The following ZMAT4 variants were observed in gnomAD, a reference collection of about 807,000 sequenced individuals.
ZMAT4 encodes the protein zinc finger matrin-type protein 4.
ZMAT4 carries 17 observed loss-of-function variants against 28.7 expected under a neutral mutation model. That is an observed-to-expected ratio of 0.59 (90% CI 0.41 to 0.89). The LOEUF is 0.89. Ranked by LOEUF, ZMAT4 falls within the 40% of genes least tolerant of loss-of-function variation. The pLI, the probability that ZMAT4 is intolerant of heterozygous loss-of-function variation, is 0.00. For missense variants in ZMAT4, 240 were observed against 283.8 expected (o/e 0.85, Z 1.11); for synonymous variants, 117 against 109.2 (o/e 1.07, Z -0.44).
At chr8:40,607,293 T>G (rs1449578252) in intron 5 of ZMAT4, among the ~76,000 whole-genome samples, 1 of 151,730 alleles carries the variant, frequency 6.6e-6, no homozygotes, top group African/African-American at 2.4e-5. Context: ...CCTGGCTAAT[T>G]TTTTGTATTT....
chr8:40,877,467 G>A (rs986443456), intron 1 of ZMAT4, among the ~76,000 whole-genome samples: 38 of 152,154 alleles, frequency 2.5e-4, no homozygotes, highest in African/African-American at 4.8e-5. Flanking sequence ...GTGCCCTCTT[G>A]CTGAACTCTG....
At chr8:40,602,447 C>G (rs983229925) in intron 5 of ZMAT4, among the ~76,000 whole-genome samples, 11 of 152,188 alleles carry the variant, frequency 7.2e-5, no homozygotes, top group African/African-American at 2.7e-4. Context: ...AATCTCCACA[C>G]TGTTGCTCCA....
At chr8:40,743,068 A>G (rs1351922082) in intron 3 of ZMAT4, among the ~76,000 whole-genome samples, 1 of 152,124 alleles carries the variant, frequency 6.6e-6, no homozygotes, top group African/African-American at 2.4e-5. Flanking sequence ...AAATACAAAA[A>G]TTATCCAGGC....
chr8:40,808,721 AAAAAG>A (rs2150593957), intron 2 of ZMAT4: 3 of 264,078 alleles, frequency 1.1e-5, no homozygotes, highest in South Asian at 1.0e-4. Flanking sequence ...GGAAGAAAAA[AAAAAG>A]AAATGTGAAG....
In ZMAT4 at chr8:40,664,382, T is replaced by G. The variant is rs80072509; in HGVS notation, c.577+10322A>C. Among the ~76,000 whole-genome samples the G allele has an allele frequency of 1.1e-4, 17 of 152,346 alleles. No homozygotes were observed. The East Asian group carries it at 3.3e-3, about 29-fold the overall frequency. Reference sequence around the variant, plus strand: ...TACTTAGCTTTTTAAATGTACACACTGCTCTCTTGTTGGTGCATAGCTATT... The same window carrying G: ...TACTTAGCTTTTTAAATGTACACACGGCTCTCTTGTTGGTGCATAGCTATT... On this transcript the variant is annotated intron_variant, in intron 5 of 6. Transcript: ENST00000297737.
At position 40,678,657 on chromosome 8, in the gene ZMAT4, C is replaced by T. The variant is rs562195115; in HGVS notation, c.350-3726G>A. On this transcript the variant is annotated intron_variant, in intron 4 of 6. Transcript: ENST00000297737. ...CCTTGTAACCTTAGCTGTGTGAATG[C>T]GCATCTGTGTGTATGTGTAAGGGAA... is the stretch of plus-strand genomic sequence containing the variant. Among the ~76,000 whole-genome samples, 12 of 152,284 alleles carry T rather than the reference C, an allele frequency of 7.9e-5. No individual in the cohort carries two copies. The East Asian group carries it at 1.9e-3, about 24-fold the overall frequency.
At chr8:40,547,761 T>G (rs1426368545) in intron 6 of ZMAT4, among the ~76,000 whole-genome samples, 1 of 152,192 alleles carries the variant, frequency 6.6e-6, no homozygotes, top group East Asian at 1.9e-4. Context: ...TCACTTTTAA[T>G]GTGCCGAAAA....
chr8:40,646,061 T>C (rs1807296571), intron 5 of ZMAT4, among the ~76,000 whole-genome samples: 1 of 152,020 alleles, frequency 6.6e-6, no homozygotes, highest in South Asian at 2.1e-4. Context: ...GGTCCTAATA[T>C]ATATTATAAA....
At chr8:40,777,194 C>T (rs1813634627) in intron 2 of ZMAT4, among the ~76,000 whole-genome samples, 1 of 152,068 alleles carries the variant, frequency 6.6e-6, no homozygotes, top group Admixed American at 6.6e-5. Context: ...CAAGATATTA[C>T]AAAATAAATT....
chr8:40,839,857 C>T (rs1447444164), intron 1 of ZMAT4, among the ~76,000 whole-genome samples: 3 of 152,156 alleles, frequency 2.0e-5, no homozygotes, highest in Non-Finnish European at 4.4e-5. Flanking sequence ...TGATGGCTAA[C>T]CTAAAAGCTC....
intron 5 of ZMAT4, among the ~76,000 whole-genome samples, chr8:40,667,059 G>A (rs1480665845): frequency 6.6e-6 from 1 of 152,042 alleles, no homozygotes; most frequent in East Asian, 1.9e-4. Flanking sequence ...CAAAAGAAAT[G>A]TAAAGAAATG....
intron 3 of ZMAT4, among the ~76,000 whole-genome samples, chr8:40,745,855 AAT>A (rs1464365784): frequency 2.6e-5 from 4 of 152,214 alleles, no homozygotes. Context: ...TGGTCCACTC[AAT>A]ATATATGTTA....
intron 1 of ZMAT4, among the ~76,000 whole-genome samples, chr8:40,875,448 T>C (rs1376685899): frequency 1.3e-5 from 2 of 152,148 alleles, no homozygotes; most frequent in Non-Finnish European, 2.9e-5. Flanking sequence ...TTAATAAGCA[T>C]GGGTGCAAAA....
chr8:40,809,488 T>TA (rs1432021053), intron 2 of ZMAT4, among the ~76,000 whole-genome samples: 7 of 152,110 alleles, frequency 4.6e-5, no homozygotes, highest in Non-Finnish European at 1.0e-4. Flanking sequence ...ATATTATTTA[T>TA]AAAAAAAGAA....
At chr8:40,734,403 A>G (rs531975815) in intron 3 of ZMAT4, among the ~76,000 whole-genome samples, 93 of 152,338 alleles carry the variant, frequency 6.1e-4, no homozygotes, top group Non-Finnish European at 1.1e-3. Flanking sequence ...GTGAACCACA[A>G]TTGACTTCGT....
chr8:40,773,478 C>A (rs1813467286), intron 2 of ZMAT4, among the ~76,000 whole-genome samples: 1 of 151,164 alleles, frequency 6.6e-6, no homozygotes, highest in Admixed American at 6.6e-5. Context: ...CTTTAATAAC[C>A]TTCTGCTCTG....
intron 5 of ZMAT4, among the ~76,000 whole-genome samples, chr8:40,610,460 T>A (rs892937183): frequency 1.3e-5 from 2 of 152,136 alleles, no homozygotes; most frequent in African/African-American, 2.4e-5. Context: ...AAAGACAATC[T>A]AACAAAAATT....
intron 1 of ZMAT4, among the ~76,000 whole-genome samples, chr8:40,883,685 G>A (rs1473726835): frequency 5.3e-5 from 8 of 152,144 alleles, no homozygotes; most frequent in Non-Finnish European, 1.0e-4. Flanking sequence ...AAAGCTTTAG[G>A]AGGAGAGAAA....
intron 4 of ZMAT4, among the ~76,000 whole-genome samples, chr8:40,682,735 CT>C (rs2150480684): frequency 6.6e-6 from 1 of 152,286 alleles, no homozygotes; most frequent in South Asian, 2.1e-4. Context: ...ACAGAAGTTG[CT>C]TCTTTACCCA....
Sources: gnomAD v4.1 joint callset for allele counts (sites outside exome capture counted in the v4.1 genomes callset) on GRCh38, gnomAD v4.1.1 for gene constraint, MANE v1.5 for transcripts, NCBI Gene and HGNC (gene_info 2026-07-23, HGNC 2026-07-21) for gene names.